GALNT13: variants seen among roughly 807,000 people sequenced by gnomAD.
GALNT13 encodes the protein UDP-GalNAc:polypeptide N-acetylgalactosaminyltransferase 13.
Under a neutral mutation model 64.2 loss-of-function variants are expected in GALNT13, and 28 were observed. That is an observed-to-expected ratio of 0.44 (90% CI 0.32 to 0.60). The LOEUF (loss-of-function observed/expected upper bound fraction) is 0.60. Ranked by LOEUF, GALNT13 falls within the 20% of genes least tolerant of loss-of-function variation. The pLI is 0.05. For missense variants in GALNT13, 577 were observed against 669.8 expected (o/e 0.86, Z 1.53); for synonymous variants, 214 against 224.6 (o/e 0.95, Z 0.42).
the GALNT13 span, among the ~76,000 whole-genome samples, chr2:153,248,927 A>T: frequency 6.6e-6 from 1 of 152,118 alleles, no homozygotes; most frequent in South Asian, 2.1e-4. Flanking sequence ...AATATCATAC[A>T]GAATGGGAAA....
chr2:153,789,728 C>T, the GALNT13 span, among the ~76,000 whole-genome samples: 16 of 152,074 alleles, frequency 1.1e-4, no homozygotes, highest in East Asian at 3.1e-3. Context: ...AAATAAACAC[C>T]ATCAGAAATG....
intron 3 of GALNT13, among the ~76,000 whole-genome samples, chr2:154,104,736 T>C (rs1702524181): frequency 6.6e-6 from 1 of 152,200 alleles, no homozygotes; most frequent in Non-Finnish European, 1.5e-5. Flanking sequence ...CTAGTCCCTG[T>C]GTTTGCCAAA....
chr2:153,594,394 T>C, the GALNT13 span, among the ~76,000 whole-genome samples: 2 of 152,154 alleles, frequency 1.3e-5, no homozygotes, highest in Non-Finnish European at 2.9e-5. Context: ...TTTGGAAACA[T>C]TTTTTCTCGA....
At chr2:153,289,810 A>G in the GALNT13 span, among the ~76,000 whole-genome samples, 1 of 152,200 alleles carries the variant, frequency 6.6e-6, no homozygotes, top group East Asian at 1.9e-4. Flanking sequence ...GCACCATGAC[A>G]TGCCACGTGG....
At chr2:153,696,063 G>T in the GALNT13 span, among the ~76,000 whole-genome samples, 9 of 152,080 alleles carry the variant, frequency 5.9e-5, no homozygotes, top group Non-Finnish European at 1.3e-4. Context: ...CAATCACAAG[G>T]TAAAGTCCCA....
chr2:154,063,261 A>G (rs1045724823), intron 3 of GALNT13, among the ~76,000 whole-genome samples: 1 of 152,164 alleles, frequency 6.6e-6, no homozygotes, highest in African/African-American at 2.4e-5. Flanking sequence ...CTGTATAGCC[A>G]GTGTTATAAC....
At chr2:154,061,013 C>T (rs1700151449) in intron 3 of GALNT13, among the ~76,000 whole-genome samples, 1 of 124,206 alleles carries the variant, frequency 8.1e-6, no homozygotes, top group Non-Finnish European at 1.7e-5. Flanking sequence ...AGTCAACACC[C>T]CTAATTGTGC....
the GALNT13 span, among the ~76,000 whole-genome samples, chr2:153,534,107 C>A: frequency 1.3e-5 from 2 of 152,018 alleles, no homozygotes; most frequent in Non-Finnish European, 2.9e-5. Flanking sequence ...TCCTTTAGAA[C>A]CCTTAGCATA....
chr2:153,295,106 C>T, the GALNT13 span, among the ~76,000 whole-genome samples: 1 of 152,098 alleles, frequency 6.6e-6, no homozygotes, highest in African/African-American at 2.4e-5. Context: ...TCCAGGACTC[C>T]CTCAGAGCAT....
chr2:153,069,247 T>G, the GALNT13 span, among the ~76,000 whole-genome samples: 1 of 152,166 alleles, frequency 6.6e-6, no homozygotes, highest in Non-Finnish European at 1.5e-5. Context: ...TCTAGAAAGG[T>G]TTTGTCACTT....
chr2:154,309,633 G>T (rs1693925945), intron 9 of GALNT13, among the ~76,000 whole-genome samples: 1 of 152,118 alleles, frequency 6.6e-6, no homozygotes, highest in African/African-American at 2.4e-5. Context: ...TCCATGAGAT[G>T]GCTTTAATCT....
chr2:153,717,466 T>C, the GALNT13 span, among the ~76,000 whole-genome samples: 1 of 152,226 alleles, frequency 6.6e-6, no homozygotes, highest in East Asian at 1.9e-4. Context: ...TTTTCTCAGC[T>C]ACCACTCCTA....
At chr2:153,255,626 A>T in the GALNT13 span, among the ~76,000 whole-genome samples, 2 of 152,062 alleles carry the variant, frequency 1.3e-5, no homozygotes. Flanking sequence ...TTCCATGTTT[A>T]GCACTTCCTT....
chr2:153,151,056 G>C, the GALNT13 span, among the ~76,000 whole-genome samples: 1 of 151,968 alleles, frequency 6.6e-6, no homozygotes, highest in Non-Finnish European at 1.5e-5. Context: ...AATTACCTTG[G>C]GCAGTATGGC....
At chr2:153,544,073 CAG>C in the GALNT13 span, among the ~76,000 whole-genome samples, 2 of 152,166 alleles carry the variant, frequency 1.3e-5, no homozygotes, top group Non-Finnish European at 2.9e-5. Flanking sequence ...CATAAATATT[CAG>C]AGTTTTATCT....
intron 3 of GALNT13, among the ~76,000 whole-genome samples, chr2:154,020,372 A>T (rs1214739886): frequency 1.3e-5 from 2 of 152,062 alleles, no homozygotes; most frequent in Non-Finnish European, 2.9e-5. Flanking sequence ...TTGTTTCCTG[A>T]CTTTTTAATG....
At chr2:154,036,191 T>TAA (rs1327858423) in intron 3 of GALNT13, among the ~76,000 whole-genome samples, 1 of 152,094 alleles carries the variant, frequency 6.6e-6, no homozygotes, top group Non-Finnish European at 1.5e-5. Flanking sequence ...GCAACAGCAA[T>TAA]TTCCCTAGAG....
intron 4 of GALNT13, among the ~76,000 whole-genome samples, chr2:154,155,249 G>A (rs1684338279): frequency 6.6e-6 from 1 of 151,806 alleles, no homozygotes; most frequent in African/African-American, 2.4e-5. Context: ...TAAAATAATT[G>A]TGCAAAATAT....
intron 8 of GALNT13, among the ~76,000 whole-genome samples, chr2:154,294,705 T>A (rs367946041): frequency 2.6e-5 from 4 of 152,242 alleles, no homozygotes; most frequent in African/African-American, 9.6e-5. Context: ...ATCCTTAGGA[T>A]CCAAGAAGAA....
Sources: gnomAD v4.1 joint callset for allele counts (sites outside exome capture counted in the v4.1 genomes callset) on GRCh38, gnomAD v4.1.1 for gene constraint, MANE v1.5 for transcripts, NCBI Gene and HGNC (gene_info 2026-07-23, HGNC 2026-07-21) for gene names.